The following KCTD7 variants were observed in gnomAD, a reference collection of about 807,000 sequenced individuals.
KCTD7 encodes potassium channel tetramerization domain containing 7, also known as BTB/POZ domain-containing protein KCTD7.
KCTD7 carries 15 observed loss-of-function variants against 27.0 expected under a neutral mutation model. That is an observed-to-expected ratio of 0.56 (90% CI 0.37 to 0.86). The LOEUF (loss-of-function observed/expected upper bound fraction) is 0.86. KCTD7 is among the 40% of genes least tolerant of loss of function. The pLI, the probability that KCTD7 is intolerant of heterozygous loss-of-function variation, is 0.00. For missense variants in KCTD7, 299 were observed against 398.9 expected (o/e 0.75, Z 2.13); for synonymous variants, 159 against 162.7 (o/e 0.98, Z 0.17).
At chr7:66,643,193 C>T (rs144713969), downstream of KCTD7, 24,127 of 985,310 alleles carry the variant, frequency 0.024, 363 homozygotes, top group Non-Finnish European at 0.027. Flanking sequence ...TCCCTGAGAC[C>T]AGCAGCTGAA....
In KCTD7 at chr7:66,640,503, C is replaced by T. The variant is rs527676202; in HGVS notation, c.*1271C>T. The T allele has an allele frequency of 5.2e-6, 8 of 1,524,144 alleles. No individual in the cohort carries two copies. In the African/African-American group the frequency reaches 9.7e-5, roughly 18 times the overall value. 94.4% of individuals were successfully genotyped at this position (1,524,144 alleles called of 1,614,324 possible). On this transcript the variant is annotated 3_prime_UTR_variant, in exon 4 of 4. Coordinates refer to ENST00000639828, the MANE Select transcript of KCTD7 (RefSeq NM_153033.5). Reference sequence around the variant, plus strand: ...GGACATGCATCTCCTAAAGGAAGAACTGTGTAGCACCATTGATCACAATGT... The same window carrying T: ...GGACATGCATCTCCTAAAGGAAGAATTGTGTAGCACCATTGATCACAATGT...
intron 1 of KCTD7, among the ~76,000 whole-genome samples, 193 bp downstream of exon 1, chr7:66,629,401 C>A (rs1786395165): frequency 6.8e-6 from 1 of 147,368 alleles, no homozygotes; most frequent in Admixed American, 6.8e-5. Flanking sequence ...CAACCCCTGT[C>A]AATTACACCC....
At position 66,640,995 on chromosome 7, in the gene KCTD7, G is replaced by A. The variant is rs1014355534; in HGVS notation, c.*1763G>A. ...TTGGCTGAATTCCTCCGTGGGGCTG[G>A]ACGGCAGTGATCTCCTGTTCCCTAT... On this transcript the variant is annotated 3_prime_UTR_variant, in exon 4 of 4. Coordinates refer to ENST00000639828, the MANE Select transcript of KCTD7 (RefSeq NM_153033.5). The A allele has an allele frequency of 1.0e-5, 10 of 985,438 alleles. No individual in the cohort carries two copies. In the South Asian group the frequency reaches 4.7e-4, roughly 46 times the overall value. 61.0% of individuals were successfully genotyped at this position (985,438 alleles called of 1,614,324 possible). A position where few individuals can be genotyped will look rare whatever the true frequency, so the allele number is the denominator to read the frequency against.
rs1786745377 is a variant in KCTD7 at position 66,642,574 on chromosome 7, A to C, written c.*3342A>C. ...TACTGATGCTGAGCGTTTTGATCCT[A>C]GTAATATTTCAAATATTGTCCTTCT... On this transcript the variant is annotated 3_prime_UTR_variant, in exon 4 of 4. Coordinates refer to ENST00000639828, the MANE Select transcript of KCTD7 (RefSeq NM_153033.5). The C allele has an allele frequency of 1.0e-6, 1 of 985,464 alleles. No homozygotes were observed. Among genetic ancestry groups the C allele is most frequent in the East Asian group, 1.1e-4 (1 of 8,820 alleles). The allele number at this position is 985,464 out of a possible 1,614,324, so 61.0% of individuals were successfully genotyped here. A position where few individuals can be genotyped will look rare whatever the true frequency, so the allele number is the denominator to read the frequency against.
intron 2 of KCTD7, among the ~76,000 whole-genome samples, chr7:66,634,079 CATAT>C (rs200914825): frequency 7.0e-6 from 1 of 142,022 alleles, no homozygotes; most frequent in East Asian, 2.0e-4. Context: ...TACATGCACA[CATAT>C]ATATATATGT....
Position 66,642,756 on chromosome 7 carries a change from G to A in KCTD7, c.*3524G>A. 1 of 985,310 alleles carries A rather than the reference G, an allele frequency of 1.0e-6. No individual in the cohort carries two copies. The highest frequency in any genetic ancestry group is 1.2e-6 in the Non-Finnish European group (1 of 829,926). 61.0% of individuals were successfully genotyped at this position (985,310 alleles called of 1,614,324 possible). A position where few individuals can be genotyped will look rare whatever the true frequency, so the allele number is the denominator to read the frequency against. The stretch of plus-strand genomic sequence containing the variant: ...AGCTGTAGTGTTGGGAACTGGGGTG[G>A]GAGAGGCACTTTTTGGAATTCTGAA... On this transcript the variant is annotated 3_prime_UTR_variant, in exon 4 of 4. Coordinates refer to ENST00000639828, the MANE Select transcript of KCTD7 (RefSeq NM_153033.5).
chr7:66,639,919 GC>G lies in KCTD7; in HGVS notation c.*689del. 1 of 1,246,918 alleles carries G rather than the reference GC, an allele frequency of 8.0e-7. No individual in the cohort carries two copies. The allele number at this position is 1,246,918 out of a possible 1,614,324, so 77.2% of individuals were successfully genotyped here. ...ACAATGTTTACAGCCCTGTCTTAGG[GC>G]CGCGGCTTCTCTTATCTTCCACCAC... On this transcript the variant is annotated 3_prime_UTR_variant, in exon 4 of 4. Transcript: ENST00000639828.
chr7:66,638,522 C>A, intron 3 of KCTD7, 91 bp downstream of exon 3: 1 of 1,324,916 alleles, frequency 7.5e-7, no homozygotes, highest in Non-Finnish European at 1.1e-6. Context: ...ACACCGGGGG[C>A]AGCATTCATC....
At position 66,639,433 on chromosome 7, in the gene KCTD7, G is replaced by A; in HGVS notation, c.*201G>A. ...CTCAGGGTTGGGCTCAGGGCTTGCG[G>A]CCTGCAGGCACTCCAGCCAGCGCTC... is the stretch of plus-strand genomic sequence containing the variant. On this transcript the variant is annotated 3_prime_UTR_variant, in exon 4 of 4. Transcript: ENST00000639828. The A allele has an allele frequency of 6.8e-7, 1 of 1,466,782 alleles. No individual in the cohort carries two copies. The highest frequency in any genetic ancestry group is 9.0e-7 in the Non-Finnish European group (1 of 1,111,050). The allele number at this position is 1,466,782 out of a possible 1,614,324, so 90.9% of individuals were successfully genotyped here.
chr7:66,629,282 C>G, intron 1 of KCTD7, 74 bp downstream of exon 1: 1 of 1,043,352 alleles, frequency 9.6e-7, no homozygotes, highest in Non-Finnish European at 1.2e-6. Flanking sequence ...GCATAGCGGT[C>G]CTCGGCGGGT....
intron 1 of KCTD7, 130 bp downstream of exon 1, chr7:66,629,338 C>T (rs1161817210): frequency 3.0e-5 from 19 of 634,182 alleles, no homozygotes; most frequent in Non-Finnish European, 3.2e-5. Context: ...TTGCGCCCCT[C>T]CCCCGCCCAC....
At chr7:66,638,816 C>G in intron 3 of KCTD7, 40 bp from the exon 4 acceptor site, 1 of 1,612,566 alleles carries the variant, frequency 6.2e-7, no homozygotes, top group Non-Finnish European at 8.5e-7. Context: ...CCTGTCCTGC[C>G]TCTTCACCCT....
Position 66,639,768 on chromosome 7 carries a change from A to G in KCTD7, c.*536A>G. 1 of 1,251,138 alleles carries G rather than the reference A, an allele frequency of 8.0e-7. No individual in the cohort carries two copies. Among genetic ancestry groups the G allele is most frequent in the Non-Finnish European group, 1.0e-6 (1 of 998,954 alleles). 77.5% of individuals were successfully genotyped at this position (1,251,138 alleles called of 1,614,324 possible). Reference sequence around the variant, plus strand: ...CCCACTGCACCCCTTCTCCTCCAAGAATAGTTGCCCACATTCCCAAAATGT... The same window carrying G: ...CCCACTGCACCCCTTCTCCTCCAAGGATAGTTGCCCACATTCCCAAAATGT... On this transcript the variant is annotated 3_prime_UTR_variant, in exon 4 of 4. Transcript: ENST00000639828.
At chr7:66,633,586 G>T in intron 2 of KCTD7, 142 bp downstream of exon 2, 3 of 814,644 alleles carry the variant, frequency 3.7e-6, no homozygotes, top group Non-Finnish European at 5.8e-6. Context: ...TTTATTGAAA[G>T]AGATCAATTT....
rs1562650950 is a variant in KCTD7 at position 66,640,778 on chromosome 7, T to C, written c.*1546T>C. ...CCAGGAGATTAAGACTGTAGTATAC[T>C]ATGATCGTGCCTGTGGCTAGCCACT... On this transcript the variant is annotated 3_prime_UTR_variant, in exon 4 of 4. Transcript: ENST00000639828. The C allele has an allele frequency of 4.0e-6, 4 of 997,542 alleles. No homozygotes were observed. The highest frequency in any genetic ancestry group is 9.5e-5 in the East Asian group (1 of 10,556). 61.8% of individuals were successfully genotyped at this position (997,542 alleles called of 1,614,324 possible). A position where few individuals can be genotyped will look rare whatever the true frequency, so the allele number is the denominator to read the frequency against.
At chr7:66,634,030 A>C (rs1330185748) in intron 2 of KCTD7, among the ~76,000 whole-genome samples, 1 of 150,134 alleles carries the variant, frequency 6.7e-6, no homozygotes, top group Non-Finnish European at 1.5e-5. Flanking sequence ...TTATTTATTT[A>C]TTTATCTCAT....
rs145152329 is a variant in KCTD7, at chr7:66,638,280, G to A, written c.342G>A (p.Gly114=). The A allele has an allele frequency of 3.7e-6, 6 of 1,614,070 alleles. No individual in the cohort carries two copies. Among genetic ancestry groups the A allele is most frequent in the South Asian group, 3.3e-5 (3 of 91,088 alleles). Residue 114 remains glycine (G), a synonymous_variant, in exon 3 of 4, where the codon GGG becomes GGA. Coordinates refer to ENST00000639828, the MANE Select transcript of KCTD7 (RefSeq NM_153033.5). ...ATGTGCTGAATTTCCTGCGCTCAGG[G>A]GACCTCCCACCCAGGGAGCGTGTTC... ...FGDVLNFLRS[G]DLPPRERVRA... is the part of the protein sequence containing the mutation.
At position 66,639,121 on chromosome 7, in the gene KCTD7, G is replaced by A. The variant is rs146540578; in HGVS notation, c.759G>A (p.Ser253=). 15 of 1,613,988 alleles carry A rather than the reference G, an allele frequency of 9.3e-6. No individual in the cohort carries two copies. The highest frequency in any genetic ancestry group is 2.2e-5 in the East Asian group (1 of 44,886). Reference sequence around the variant, plus strand: ...TGCACTGCCTGGTCACGGACCTCTCGGCCCAGGGTCTCACCGTGGACCACC... The same window carrying A: ...TGCACTGCCTGGTCACGGACCTCTCAGCCCAGGGTCTCACCGTGGACCACC... The part of the protein sequence containing the change: ...DLLHCLVTDL[S]AQGLTVDHQC... Residue 253 remains serine (S), a synonymous_variant, in exon 4 of 4, where the codon TCG becomes TCA. Transcript: ENST00000639828.
chr7:66,630,701 A>G (rs1001198650), intron 1 of KCTD7, among the ~76,000 whole-genome samples: 2 of 152,206 alleles, frequency 1.3e-5, no homozygotes, highest in Non-Finnish European at 2.9e-5. Context: ...GAAAAAAGTC[A>G]TTAGTCACAG....
Sources: allele counts gnomAD v4.1 joint callset (sites outside exome capture counted in the v4.1 genomes callset), GRCh38; gene constraint gnomAD v4.1.1; transcripts MANE v1.5; gene names NCBI Gene and HGNC (gene_info 2026-07-23, HGNC 2026-07-21).